APEX2: variants seen among roughly 807,000 people sequenced by gnomAD.
APEX2 encodes DNA-(apurinic or apyrimidinic site) endonuclease 2.
APEX2 carries 4 observed loss-of-function variants against 16.7 expected under a neutral mutation model. The ratio of observed to expected loss-of-function variants is 0.24; its 90% CI spans 0.12 to 0.55. The LOEUF (loss-of-function observed/expected upper bound fraction) is 0.55, where lower values mean the gene tolerates loss of function less well. Among genes scored for constraint, APEX2 ranks in the 20% least tolerant of loss-of-function variants. APEX2 has a pLI of 0.94. For missense variants in APEX2, 357 were observed against 433.6 expected (o/e 0.82, Z 1.57); for synonymous variants, 181 against 166.9 (o/e 1.08, Z -0.65).
Position 55,006,701 on chromosome X carries a change from C to T in APEX2, c.823C>T (p.Arg275Trp). The change falls in exon 6 of 6, where the codon CGG (arginine) becomes TGG (tryptophan). Residue 275 changes from arginine (R) to tryptophan (W), a missense_variant. Physicochemically the swap from Arg to Trp is moderately radical, Grantham distance 101 (BLOSUM62 -3). Coordinates refer to ENST00000374987, the MANE Select transcript of APEX2 (RefSeq NM_014481.4). The stretch of plus-strand genomic sequence containing the variant: ...CGCCCGCCATCTCAACTATGGCTCC[C>T]GGCTTGACTATGTGCTGGGGGACAG... The part of the protein sequence containing the change: ...TGARHLNYGS[R>W]LDYVLGDRTL... 1 of 1,171,864 alleles carries T rather than the reference C, an allele frequency of 8.5e-7. No individual in the cohort carries two copies. Among genetic ancestry groups the T allele is most frequent in the Non-Finnish European group, 1.1e-6 (1 of 873,416 alleles).
chrX:55,007,198 C>A lies in APEX2; in HGVS notation c.1320C>A (p.Ala440=). The A allele has an allele frequency of 8.3e-7, 1 of 1,212,068 alleles. No homozygotes were observed. The highest frequency in any genetic ancestry group is 1.1e-6 in the Non-Finnish European group (1 of 895,582). ...KAVAKVVKGQ[A]KTSEAKDEKE... is the part of the protein sequence containing the mutation. ...TGGCCAAAGTGGTGAAGGGGCAGGCCAAGACTTCAGAAGCCAAAGATGAGA... is the reference window on the plus strand; with the variant it reads ...TGGCCAAAGTGGTGAAGGGGCAGGCAAAGACTTCAGAAGCCAAAGATGAGA... Residue 440 remains alanine, a synonymous_variant, in exon 6 of 6, where the codon GCC becomes GCA. Transcript: ENST00000374987.
In APEX2 at chrX:55,006,839, T is replaced by C. The variant is rs762700417; in HGVS notation, c.961T>C (p.Cys321Arg). The C allele has an allele frequency of 2.5e-6, 3 of 1,211,788 alleles. No individual in the cohort carries two copies. Among genetic ancestry groups the C allele is most frequent in the South Asian group, 3.5e-5 (2 of 56,950 alleles). Reference sequence around the variant, plus strand: ...TGTGTCCTCTGTGCCTGCAAAACAGTGCCCACCTCTGTGCACCCGCTTCCT... The same window carrying C: ...TGTGTCCTCTGTGCCTGCAAAACAGCGCCCACCTCTGTGCACCCGCTTCCT... ...LSVSSVPAKQ[C>R]PPLCTRFLPE... is the part of the protein sequence containing the mutation. Residue 321 changes from cysteine (C) to arginine (R), a missense_variant, in exon 6 of 6, where the codon TGC becomes CGC. By Grantham distance (180) the Cys-to-Arg change is radical. Transcript: ENST00000374987.
Position 55,007,126 on chromosome X carries a change from A to C in APEX2, c.1248A>C (p.Pro416=). Residue 416 remains proline, a synonymous_variant, in exon 6 of 6, where the codon CCA becomes CCC. Coordinates refer to ENST00000374987, the MANE Select transcript of APEX2 (RefSeq NM_014481.4). ...ASPDIELPSL[P]LMSALMTPKT... ...CTGACATAGAGCTGCCTAGCCTACC[A>C]CTGATGAGCGCCCTCATGACCCCGA... is the stretch of plus-strand genomic sequence containing the variant. The C allele has an allele frequency of 6.6e-6, 8 of 1,211,704 alleles. No individual in the cohort carries two copies. Among genetic ancestry groups the C allele is most frequent in the Admixed American group, 2.2e-5 (1 of 46,072 alleles).
rs371229749 is a variant in APEX2 at position 55,003,070 on chromosome X, G to T, written c.531G>T (p.Leu177Phe). ...RLVFKMRFYR[L>F]LQIRAEALLA... ...TCTTTAAGATGCGCTTCTATCGTTT[G>T]CTGCAAATCCGAGCAGAAGCCCTCC... Residue 177 changes from leucine to phenylalanine, a missense_variant, in exon 4 of 6, where the codon TTG (leucine) becomes TTT (phenylalanine). Leu to Phe is a conservative substitution (Grantham distance 22, BLOSUM62 0). Coordinates refer to ENST00000374987, the MANE Select transcript of APEX2 (RefSeq NM_014481.4). 75 of 1,210,889 alleles carry T rather than the reference G, an allele frequency of 6.2e-5. 1 individual carries two copies. The highest frequency in any genetic ancestry group is 7.7e-5 in the Non-Finnish European group (69 of 895,385).
intron 4 of APEX2, 117 bp downstream of exon 4, chrX:55,003,225 T>TGTTTGCAACTATGCTG: frequency 1.1e-6 from 1 of 905,320 alleles, no homozygotes. Flanking sequence ...CACAGCATAG[T>TGTTTGCAACTATGCTG]TGCAAACACC....
rs1472304388 is a variant in APEX2, at chrX:55,003,841, C to T, written c.612C>T (p.Pro204=). The change falls in exon 5 of 6, where the codon CCC becomes CCT. Residue 204 remains proline, a synonymous_variant. Coordinates refer to ENST00000374987, the MANE Select transcript of APEX2 (RefSeq NM_014481.4). The stretch of plus-strand genomic sequence containing the variant: ...GTGACCTGAATACAGCCCACCGCCC[C>T]ATTGACCACTGGGATGCAGTCAACC... ...ILGDLNTAHR[P]IDHWDAVNLE... 2 of 1,209,947 alleles carry T rather than the reference C, an allele frequency of 1.7e-6. No individual in the cohort carries two copies. Among genetic ancestry groups the T allele is most frequent in the Non-Finnish European group, 2.2e-6 (2 of 895,114 alleles).
At chrX:55,002,185 G>A in intron 2 of APEX2, 66 bp from the exon 3 acceptor site, 2 of 1,027,491 alleles carry the variant, frequency 1.9e-6, no homozygotes, top group South Asian at 5.1e-5. Context: ...GACAATTGGA[G>A]TGGGACAGGC....
At position 55,000,432 on chromosome X, in the gene APEX2, G is replaced by T. The variant is rs1203155309; in HGVS notation, c.10G>T (p.Val4Leu). The T allele has an allele frequency of 8.4e-6, 10 of 1,190,905 alleles. No individual in the cohort carries two copies. Among genetic ancestry groups the T allele is most frequent in the Non-Finnish European group, 1.1e-5 (10 of 884,702 alleles). MLR[V>L]VSWNINGIRR... ...GTTCCAGCCCTTTAAGATGTTGCGC[G>T]TGGTGAGCTGGAACATCAATGGGAT... is the stretch of plus-strand genomic sequence containing the variant. Residue 4 changes from valine to leucine, a missense_variant, in exon 1 of 6, where the codon GTG becomes TTG. Val to Leu is a conservative substitution (Grantham distance 32). Transcript: ENST00000374987.
Position 55,006,967 on chromosome X carries a change from C to A in APEX2, c.1089C>A (p.Thr363=). Residue 363 remains threonine, a synonymous_variant, in exon 6 of 6, where the codon ACC becomes ACA. Coordinates refer to ENST00000374987, the MANE Select transcript of APEX2 (RefSeq NM_014481.4). ...EQSTLQHNNQ[T]RVQTCQNKAQ... ...CGACGCTGCAGCACAACAATCAAAC[C>A]CGGGTACAGACATGCCAAAACAAAG... is the stretch of plus-strand genomic sequence containing the variant. 8.3e-7 allele frequency: 1 copy of A among 1,211,931 alleles called. No homozygotes were observed.
Position 55,001,613 on chromosome X carries a change from C to T in APEX2, c.225C>T (p.Asn75=). 8.3e-7 allele frequency: 1 copy of T among 1,204,500 alleles called. No individual in the cohort carries two copies. The highest frequency in any genetic ancestry group is 1.1e-6 in the Non-Finnish European group (1 of 891,797). ...ACTCCTATTTCAGCTTCAGCCGCAACCGTAGCGGCTATTCTGGTAAATGGG... is the reference window on the plus strand; with the variant it reads ...ACTCCTATTTCAGCTTCAGCCGCAATCGTAGCGGCTATTCTGGTAAATGGG... ...GYNSYFSFSR[N]RSGYSGVATF... is the part of the protein sequence containing the mutation. The change falls in exon 2 of 6, where the codon AAC becomes AAT. Residue 75 remains asparagine, a synonymous_variant. Coordinates refer to ENST00000374987, the MANE Select transcript of APEX2 (RefSeq NM_014481.4).
At chrX:55,002,786 T>A (rs1445679964) in intron 3 of APEX2, among the ~76,000 whole-genome samples, 176 bp from the exon 4 acceptor site, 7 of 112,056 alleles carry the variant, frequency 6.2e-5, no homozygotes, top group African/African-American at 2.0e-4. Flanking sequence ...GATATCCCTC[T>A]CCCTGCCTTA....
At chrX:55,001,709 G>C in intron 2 of APEX2, 80 bp downstream of exon 2, 1 of 781,357 alleles carries the variant, frequency 1.3e-6, no homozygotes, top group Non-Finnish European at 1.8e-6. Context: ...TGATGAGAGG[G>C]TAATAAGAAA....
At chrX:55,005,290 C>A (rs1445128105) in intron 5 of APEX2, among the ~76,000 whole-genome samples, 1 of 111,913 alleles carries the variant, frequency 8.9e-6, no homozygotes, top group African/African-American at 3.3e-5. Flanking sequence ...CATCATACAT[C>A]TTTGTGCCTT....
In APEX2 at chrX:55,007,599, T is replaced by C; in HGVS notation, c.*164T>C. 2 of 566,973 alleles carry C rather than the reference T, an allele frequency of 3.5e-6. No individual in the cohort carries two copies. Among genetic ancestry groups the C allele is most frequent in the Non-Finnish European group, 5.2e-6 (2 of 383,320 alleles). 46.7% of individuals were successfully genotyped at this position (566,973 alleles called of 1,213,427 possible). A position where few individuals can be genotyped will look rare whatever the true frequency, so the allele number is the denominator to read the frequency against. On this transcript the variant is annotated 3_prime_UTR_variant, in exon 6 of 6. Coordinates refer to ENST00000374987, the MANE Select transcript of APEX2 (RefSeq NM_014481.4). The stretch of plus-strand genomic sequence containing the variant: ...GCTTTCCTTCCTACCTAGCTCCTTG[T>C]TGGTGAGCTTCTTGTGCCTTAATCC...
intron 5 of APEX2, among the ~76,000 whole-genome samples, chrX:55,005,966 G>T (rs1295291163): frequency 9.1e-6 from 1 of 109,399 alleles, no homozygotes; most frequent in East Asian, 2.9e-4. Context: ...ATGAGTGGGT[G>T]GGTAGGTGGA....
chrX:55,005,138 G>T (rs1935485420), intron 5 of APEX2, among the ~76,000 whole-genome samples: 1 of 112,127 alleles, frequency 8.9e-6, no homozygotes, highest in Non-Finnish European at 1.9e-5. Flanking sequence ...GGGAAAATGA[G>T]CAGAAGTGAG....
rs772786350 is a variant in APEX2 at position 55,001,619 on chromosome X, C to T, written c.231C>T (p.Ser77=). 2.5e-5 allele frequency: 30 copies of T among 1,201,706 alleles called. No individual in the cohort carries two copies. The South Asian group carries it at 3.1e-4, about 12-fold the overall frequency. The stretch of plus-strand genomic sequence containing the variant: ...ATTTCAGCTTCAGCCGCAACCGTAG[C>T]GGCTATTCTGGTAAATGGGGCTTTC... ...NSYFSFSRNR[S]GYSGVATFCK... The change falls in exon 2 of 6, where the codon AGC becomes AGT. Residue 77 remains serine (S), a synonymous_variant. Transcript: ENST00000374987.
Position 55,003,084 on chromosome X carries a change from C to T in APEX2, c.545C>T (p.Ala182Val), listed in dbSNP as rs1417949294. ...TTCTATCGTTTGCTGCAAATCCGAGCAGAAGCCCTCCTGGCGGCAGGCAGG... is the reference window on the plus strand; with the variant it reads ...TTCTATCGTTTGCTGCAAATCCGAGTAGAAGCCCTCCTGGCGGCAGGCAGG... ...MRFYRLLQIR[A>V]EALLAAGSHV... is the part of the protein sequence containing the mutation. Residue 182 changes from alanine to valine, a missense_variant, in exon 4 of 6, where the codon GCA becomes GTA. Physicochemically the swap from Ala to Val is moderately conservative, Grantham distance 64. Coordinates refer to ENST00000374987, the MANE Select transcript of APEX2 (RefSeq NM_014481.4). The T allele has an allele frequency of 8.3e-7, 1 of 1,211,931 alleles. No homozygotes were observed. Among genetic ancestry groups the T allele is most frequent in the East Asian group, 3.0e-5 (1 of 33,840 alleles).
intron 1 of APEX2, among the ~76,000 whole-genome samples, chrX:55,001,243 T>A (rs980907288): frequency 1.2e-4 from 13 of 109,327 alleles, no homozygotes; most frequent in Non-Finnish European, 1.9e-4. Context: ...CATCCCCAGC[T>A]TCCTCCTATC....
Sources: allele counts gnomAD v4.1 joint callset (sites outside exome capture counted in the v4.1 genomes callset), GRCh38; gene constraint gnomAD v4.1.1; transcripts MANE v1.5; gene names NCBI Gene and HGNC (gene_info 2026-07-23, HGNC 2026-07-21).